The following ZNF148 variants were observed in gnomAD, a reference collection of about 807,000 sequenced individuals.
ZNF148 encodes zinc finger protein 148, also known as Beta-Enolase Repressor Factor-1.
In ZNF148, 7 loss-of-function variants were observed where a neutral mutation model predicts 67.7. The observed-to-expected ratio is 0.10, with a 90% CI of 0.06 to 0.19. The LOEUF is 0.19. ZNF148 is among the 10% of genes least tolerant of loss of function. The pLI, the probability that ZNF148 is intolerant of heterozygous loss-of-function variation, is 1.00. For synonymous variants in ZNF148, 333 were observed against 330.7 expected, an observed-to-expected ratio of 1.01 and a Z score of -0.08; for missense variants, 583 against 947.1, an observed-to-expected ratio of 0.62 and a Z score of 5.05.
rs149268951 is a variant in ZNF148 at position 125,237,389 on chromosome 3, T to C, written c.668-3060A>G. On this transcript the variant is annotated intron_variant, in intron 7 of 8. Transcript: ENST00000360647. ...TTGAGCTCAGGAGTTCAAGACCAGCTTGGGCAACATGGGGAAACCTGTTTC... is the reference window on the plus strand; with the variant it reads ...TTGAGCTCAGGAGTTCAAGACCAGCCTGGGCAACATGGGGAAACCTGTTTC... Among the ~76,000 whole-genome samples the C allele has an allele frequency of 1.5e-4, 23 of 152,168 alleles. No homozygotes were observed. In the East Asian group the frequency reaches 4.2e-3, roughly 28 times the overall value.
At chr3:125,273,401 G>A (rs560084782) in intron 7 of ZNF148, among the ~76,000 whole-genome samples, 1 of 151,914 alleles carries the variant, frequency 6.6e-6, no homozygotes, top group South Asian at 2.1e-4. Context: ...AGAACTAAAG[G>A]CTTAAAAAAG....
intron 4 of ZNF148, among the ~76,000 whole-genome samples, chr3:125,305,194 T>C (rs1212153028): frequency 6.6e-6 from 1 of 152,156 alleles, no homozygotes; most frequent in Admixed American, 6.5e-5. Flanking sequence ...AAAACTCAGG[T>C]GCTGCCTGTC....
At chr3:125,287,631 CTAACCCATTCAT>C (rs1310809704) in intron 5 of ZNF148, among the ~76,000 whole-genome samples, 8 of 152,186 alleles carry the variant, frequency 5.3e-5, no homozygotes. Context: ...TGTTTATTTA[CTAACCCATTCAT>C]TAACCCATAA....
intron 7 of ZNF148, among the ~76,000 whole-genome samples, chr3:125,252,929 G>T (rs1936908894): frequency 6.6e-6 from 1 of 152,088 alleles, no homozygotes; most frequent in South Asian, 2.1e-4. Context: ...TGTTTCAAAT[G>T]ATTATAGCTT....
Position 125,228,601 on chromosome 3 carries a change from A to C in ZNF148, c.*3740T>G, listed in dbSNP as rs1259060206. 1.3e-5 allele frequency: 2 copies of C among 152,608 alleles called. No individual in the cohort carries two copies. The highest frequency in any genetic ancestry group is 4.8e-5 in the African/African-American group (2 of 41,456). The allele number at this position is 152,608 out of a possible 1,614,324, so 9.5% of individuals were successfully genotyped here. On this transcript the variant is annotated 3_prime_UTR_variant, in exon 9 of 9. Transcript: ENST00000360647. ...GCAGTACTGTGATTTGTTTGTACAT[A>C]TTTACAGATTCTTAAAAACAAGCTG...
intron 2 of ZNF148, among the ~76,000 whole-genome samples, chr3:125,327,115 T>C (rs1280881705): frequency 2.0e-5 from 3 of 152,086 alleles, no homozygotes. Context: ...ATGGCTATAT[T>C]AACATCAGAC....
chr3:125,250,699 G>T (rs1255255538), intron 7 of ZNF148, among the ~76,000 whole-genome samples: 1 of 152,154 alleles, frequency 6.6e-6, no homozygotes, highest in Non-Finnish European at 1.5e-5. Flanking sequence ...GTTTTCTGGG[G>T]TTTTTTGTTT....
intron 7 of ZNF148, among the ~76,000 whole-genome samples, chr3:125,249,145 A>G (rs1485173090): frequency 6.6e-6 from 1 of 151,962 alleles, no homozygotes; most frequent in African/African-American, 2.4e-5. Flanking sequence ...ATATGACAAC[A>G]AAACCATAAG....
intron 5 of ZNF148, among the ~76,000 whole-genome samples, chr3:125,286,159 T>C (rs1401400362): frequency 6.6e-6 from 1 of 152,126 alleles, no homozygotes; most frequent in Non-Finnish European, 1.5e-5. Flanking sequence ...TATTATTCTA[T>C]ATCTGAAGAA....
At chr3:125,268,064 A>C (rs2107586979) in intron 7 of ZNF148, among the ~76,000 whole-genome samples, 1 of 152,280 alleles carries the variant, frequency 6.6e-6, no homozygotes, top group Admixed American at 6.5e-5. Flanking sequence ...AGGAAATCAC[A>C]GATGACATAA....
intron 7 of ZNF148, among the ~76,000 whole-genome samples, chr3:125,256,948 T>C (rs1189896685): frequency 2.0e-5 from 3 of 150,532 alleles, no homozygotes; most frequent in Non-Finnish European, 4.4e-5. Flanking sequence ...TTATTATGTT[T>C]TCAGTTCCAG....
At chr3:125,266,899 C>G (rs1230533257) in intron 7 of ZNF148, among the ~76,000 whole-genome samples, 1 of 151,878 alleles carries the variant, frequency 6.6e-6, no homozygotes, top group Non-Finnish European at 1.5e-5. Flanking sequence ...ACAAAAGCTC[C>G]AATGAGATTA....
intron 2 of ZNF148, among the ~76,000 whole-genome samples, chr3:125,324,236 A>G (rs1308502323): frequency 1.3e-5 from 2 of 152,140 alleles, no homozygotes; most frequent in African/African-American, 2.4e-5. Flanking sequence ...CTGCTTTGTT[A>G]AAGTCTATGA....
chr3:125,257,433 G>GTA (rs1937135973), intron 7 of ZNF148, among the ~76,000 whole-genome samples: 1 of 151,944 alleles, frequency 6.6e-6, no homozygotes, highest in Admixed American at 6.6e-5. Flanking sequence ...GCGTGCACCT[G>GTA]TAGTCCCAGC....
chr3:125,374,417 G>A (rs1942991688), intron 1 of ZNF148, among the ~76,000 whole-genome samples: 1 of 151,688 alleles, frequency 6.6e-6, no homozygotes, highest in African/African-American at 2.4e-5. Flanking sequence ...TTCTATTCAC[G>A]GGAACTCCTA....
chr3:125,367,881 CA>C (rs1288244088), intron 1 of ZNF148, among the ~76,000 whole-genome samples: 1 of 152,152 alleles, frequency 6.6e-6, no homozygotes, highest in Non-Finnish European at 1.5e-5. Flanking sequence ...ATAGTTGTTT[CA>C]GGGGGCTCAA....
chr3:125,313,374 A>G lies in ZNF148; in HGVS notation c.267T>C (p.Asn89=), dbSNP rs756570976. Residue 89 remains asparagine (N), a synonymous_variant, in exon 4 of 9, where the codon AAT becomes AAC. Coordinates refer to ENST00000360647, the MANE Select transcript of ZNF148 (RefSeq NM_021964.3). ...CATGTGTTTCCATCTGCTCTTCATC[A>G]TTTTTCACTGTCTCCTCATGGACCA... The part of the protein sequence containing the change: ...ELMVHEETVK[N]DEEQMETHER... 1 of 1,614,018 alleles carries G rather than the reference A, an allele frequency of 6.2e-7. No individual in the cohort carries two copies. The highest frequency in any genetic ancestry group is 1.7e-5 in the Admixed American group (1 of 60,000).
At chr3:125,279,381 G>C in intron 5 of ZNF148, 134 bp from the exon 6 acceptor site, 1 of 746,586 alleles carries the variant, frequency 1.3e-6, no homozygotes, top group Non-Finnish European at 2.0e-6. Flanking sequence ...AAATGATCTT[G>C]AAAAGACTAT....
chr3:125,253,177 C>T (rs1475469727), intron 7 of ZNF148, among the ~76,000 whole-genome samples: 1 of 152,130 alleles, frequency 6.6e-6, no homozygotes, highest in African/African-American at 2.4e-5. Context: ...TTTCATATCT[C>T]TTTATAATGT....
Sources: allele counts gnomAD v4.1 joint callset (sites outside exome capture counted in the v4.1 genomes callset), GRCh38; gene constraint gnomAD v4.1.1; transcripts MANE v1.5; gene names NCBI Gene and HGNC (gene_info 2026-07-23, HGNC 2026-07-21).